The following HAAO variants were observed in gnomAD, a reference collection of about 807,000 sequenced individuals.
HAAO encodes the protein 3-hydroxyanthranilate 3,4-dioxygenase, also known as 3-hydroxyanthranilate oxygenase.
HAAO carries 49 observed loss-of-function variants against 46.2 expected under a neutral mutation model. The ratio of observed to expected loss-of-function variants is 1.06; its 90% CI spans 0.84 to 1.34. HAAO has a LOEUF of 1.34. HAAO is among the 40% of genes most tolerant of loss of function. The pLI is 0.00. For missense variants in HAAO, 408 were observed against 364.5 expected (o/e 1.12, Z -0.97); for synonymous variants, 157 against 145.2 (o/e 1.08, Z -0.58).
chr2:42,770,658 C>T (rs993273606), intron 4 of HAAO, 76 bp from the exon 5 acceptor site: 2 of 896,790 alleles, frequency 2.2e-6, no homozygotes, highest in Non-Finnish European at 3.4e-6. Flanking sequence ...AGGCCTGGCT[C>T]TGCTTGTAGA....
In HAAO at chr2:42,787,529, C is replaced by T. The variant is rs1037680897; in HGVS notation, c.159+1000G>A. ...CAGGGGAGGTGCAGGGCCCCTGGAG[C>T]GTGAGAGGTGAGGAGTTGGCTGGTT... On this transcript the variant is annotated intron_variant, in intron 2 of 9. Transcript: ENST00000294973. Among the ~76,000 whole-genome samples the T allele has an allele frequency of 7.9e-5, 12 of 152,232 alleles. 1 individual carries two copies. The South Asian group carries it at 8.3e-4, about 11-fold the overall frequency.
intron 4 of HAAO, among the ~76,000 whole-genome samples, chr2:42,774,705 A>G (rs1265495224): frequency 1.3e-5 from 2 of 152,164 alleles, no homozygotes; most frequent in Non-Finnish European, 2.9e-5. Flanking sequence ...AAAGTTAACA[A>G]TCAGGTGCTC....
At chr2:42,767,802 A>G in intron 8 of HAAO, 58 bp downstream of exon 8, 1 of 1,581,860 alleles carries the variant, frequency 6.3e-7, no homozygotes, top group Non-Finnish European at 8.7e-7. Context: ...AGGGCCGAGG[A>G]GCGGGCTGAT....
At chr2:42,769,919 G>A in intron 6 of HAAO, 61 bp from the exon 7 acceptor site, 1 of 1,530,640 alleles carries the variant, frequency 6.5e-7, no homozygotes, top group Non-Finnish European at 8.8e-7. Flanking sequence ...AGCCCCAGTG[G>A]GCCCAGTTCC....
intron 4 of HAAO, among the ~76,000 whole-genome samples, chr2:42,775,184 T>C (rs796800721): frequency 2.0e-4 from 29 of 147,196 alleles, no homozygotes; most frequent in African/African-American, 7.4e-4. Flanking sequence ...GAGGCAGAGG[T>C]TGCAGTGAGC....
At chr2:42,786,432 C>T (rs1672388724) in intron 2 of HAAO, among the ~76,000 whole-genome samples, 1 of 152,200 alleles carries the variant, frequency 6.6e-6, no homozygotes, top group South Asian at 2.1e-4. Flanking sequence ...GCTTTCTGAC[C>T]TGGAAAGGCC....
chr2:42,768,604 T>G (rs1013003204), intron 7 of HAAO, among the ~76,000 whole-genome samples: 6 of 152,084 alleles, frequency 3.9e-5, no homozygotes, highest in African/African-American at 1.4e-4. Flanking sequence ...CTGCACAGAT[T>G]GACTCATTCA....
In HAAO at chr2:42,783,801, C is replaced by G. The variant is rs369005564; in HGVS notation, c.226G>C (p.Val76Leu). ...VLEQGKHRDV[V>L]IRQGEIFLLP... is the part of the protein sequence containing the mutation. ...GGCCTCACCTCTCCCTGCCGAATGA[C>G]CACATCCCGGTGTTTCCCTTGCTCC... The change falls in exon 3 of 10, where the codon GTC (valine) becomes CTC (leucine). Residue 76 changes from valine (V) to leucine (L), a missense_variant. Coordinates refer to ENST00000294973, the MANE Select transcript of HAAO (RefSeq NM_012205.3). 151 of 1,612,568 alleles carry G rather than the reference C, an allele frequency of 9.4e-5. No individual in the cohort carries two copies. The highest frequency in any genetic ancestry group is 1.2e-4 in the Non-Finnish European group (145 of 1,179,464).
intron 1 of HAAO, 29 bp downstream of exon 1, chr2:42,792,427 AG>A (rs1423903625): frequency 1.0e-5 from 13 of 1,295,234 alleles, no homozygotes; most frequent in South Asian, 4.3e-5. Context: ...AGGCGAGGGC[AG>A]GGGGCGGCCA....
rs753743615 is a variant in HAAO at position 42,767,840 on chromosome 2, T to C, written c.699+20A>G. The C allele has an allele frequency of 1.2e-6, 2 of 1,612,114 alleles. No homozygotes were observed. Among genetic ancestry groups the C allele is most frequent in the East Asian group, 2.2e-5 (1 of 44,884 alleles). Reference sequence around the variant, plus strand: ...CCTCTGGCAGGGGGTTCTGCAACCCTGTCCCTGGGCCCCACTTGCCAGCTG... The same window carrying C: ...CCTCTGGCAGGGGGTTCTGCAACCCCGTCCCTGGGCCCCACTTGCCAGCTG... On this transcript the variant is annotated intron_variant, in intron 8 of 9. Transcript: ENST00000294973.
At chr2:42,771,831 C>G (rs1234019298) in intron 4 of HAAO, among the ~76,000 whole-genome samples, 2 of 152,266 alleles carry the variant, frequency 1.3e-5, no homozygotes, top group Non-Finnish European at 2.9e-5. Context: ...AGATGCTTTA[C>G]AGACACACAG....
intron 4 of HAAO, among the ~76,000 whole-genome samples, chr2:42,781,343 A>G (rs1277039403): frequency 6.6e-6 from 1 of 152,158 alleles, no homozygotes; most frequent in African/African-American, 2.4e-5. Context: ...CCCTTTAGGG[A>G]AACTGGCCTC....
chr2:42,786,652 G>T (rs1341468811), intron 2 of HAAO, among the ~76,000 whole-genome samples: 1 of 152,202 alleles, frequency 6.6e-6, no homozygotes, highest in African/African-American at 2.4e-5. Flanking sequence ...AAGCGGCAGA[G>T]AATTCCCCCA....
chr2:42,792,372 G>A (rs1323038754), intron 1 of HAAO, 85 bp downstream of exon 1: 1 of 705,954 alleles, frequency 1.4e-6, no homozygotes, highest in East Asian at 3.0e-5. Flanking sequence ...CTGGGTCCAG[G>A]AACTCGGAGC....
rs1239972712 is a variant in HAAO at position 42,767,910 on chromosome 2, C to G, written c.649G>C (p.Gly217Arg). 1 of 1,613,884 alleles carries G rather than the reference C, an allele frequency of 6.2e-7. No homozygotes were observed. The highest frequency in any genetic ancestry group is 2.2e-5 in the East Asian group (1 of 44,896). Residue 217 changes from glycine (G) to arginine (R), a missense_variant, in exon 8 of 10, where the codon GGC becomes CGC. By Grantham distance (125) the Gly-to-Arg change is moderately radical. Coordinates refer to ENST00000294973, the MANE Select transcript of HAAO (RefSeq NM_012205.3). ...TTCTGTCTCAGGCCTTCGCTGCTGC[C>G]TTGCCCATAGGCGATCACCTGGTGG... Reference protein sequence around the residue: ...YETQVIAYGQGSSEGLRQNVD... With the variant: ...YETQVIAYGQRSSEGLRQNVD...
intron 4 of HAAO, among the ~76,000 whole-genome samples, chr2:42,772,344 G>A (rs1159559450): frequency 6.6e-6 from 1 of 152,068 alleles, no homozygotes; most frequent in African/African-American, 2.4e-5. Flanking sequence ...AGCCAGACAT[G>A]GTGGTGCATG....
intron 1 of HAAO, 87 bp from the exon 2 acceptor site, chr2:42,788,694 T>C: frequency 1.2e-6 from 1 of 864,624 alleles, no homozygotes; most frequent in Non-Finnish European, 2.0e-6. Flanking sequence ...GGAGGGAGCC[T>C]GAGGGCCCCT....
intron 4 of HAAO, among the ~76,000 whole-genome samples, chr2:42,773,055 A>G (rs1276438008): frequency 6.6e-6 from 1 of 152,204 alleles, no homozygotes; most frequent in Non-Finnish European, 1.5e-5. Context: ...ATCAGAACCA[A>G]ATGAGAACCC....
intron 2 of HAAO, 62 bp from the exon 3 acceptor site, chr2:42,783,929 C>G: frequency 6.4e-7 from 1 of 1,561,412 alleles, no homozygotes; most frequent in Non-Finnish European, 8.7e-7. Context: ...TTGGCCACTG[C>G]CCAGGCCCTG....
Sources: allele counts gnomAD v4.1 joint callset (sites outside exome capture counted in the v4.1 genomes callset), GRCh38; gene constraint gnomAD v4.1.1; transcripts MANE v1.5; gene names NCBI Gene and HGNC (gene_info 2026-07-23, HGNC 2026-07-21).